GRID2: variants seen among roughly 807,000 people sequenced by gnomAD.
GRID2 encodes glutamate receptor ionotropic, delta-2.
In GRID2, 33 loss-of-function variants were observed where a neutral mutation model predicts 114.8. The ratio of observed to expected loss-of-function variants is 0.29; its 90% CI spans 0.22 to 0.38. The LOEUF (loss-of-function observed/expected upper bound fraction) is 0.38. GRID2 is among the 10% of genes least tolerant of loss of function. GRID2 has a pLI of 1.00. For synonymous variants in GRID2, 505 were observed against 449.9 expected, an observed-to-expected ratio of 1.12 and a Z score of -1.55; for missense variants, 1,184 against 1,257.7, an observed-to-expected ratio of 0.94 and a Z score of 0.89.
At chr4:92,949,307 G>C (rs538715958) in intron 2 of GRID2, among the ~76,000 whole-genome samples, 1 of 151,912 alleles carries the variant, frequency 6.6e-6, no homozygotes, top group Non-Finnish European at 1.5e-5. Flanking sequence ...AATAAAAATA[G>C]GGCATAGTCT....
Position 92,517,900 on chromosome 4 carries a change from AAAAC to A in GRID2, c.89-72215_89-72212del, listed in dbSNP as rs200012087. Among the ~76,000 whole-genome samples the A allele has an allele frequency of 5.0e-3, 761 of 151,940 alleles. 4 individuals are homozygous for A. The highest frequency in any genetic ancestry group is 0.015 in the African/African-American group (610 of 41,458). On this transcript the variant is annotated intron_variant, in intron 1 of 15. Transcript: ENST00000282020. ...GATGAACAATATTTTCAGATAGGCA[AAAAC>A]AAACAAACAAACAAAAAACCAAAAA...
intron 1 of GRID2, among the ~76,000 whole-genome samples, chr4:92,447,876 A>G (rs1216109358): frequency 6.6e-6 from 1 of 152,266 alleles, no homozygotes; most frequent in South Asian, 2.1e-4. Flanking sequence ...CCATCACCTT[A>G]TGGGTTAGAA....
chr4:93,252,460 T>C (rs566466818), intron 8 of GRID2, among the ~76,000 whole-genome samples: 1 of 152,002 alleles, frequency 6.6e-6, no homozygotes, highest in South Asian at 2.1e-4. Flanking sequence ...ATGCTGTTTT[T>C]ATTACTGTAG....
chr4:93,036,367 C>T (rs915919952), intron 2 of GRID2, among the ~76,000 whole-genome samples: 4 of 152,134 alleles, frequency 2.6e-5, no homozygotes, highest in Admixed American at 2.0e-4. Context: ...TCCTACTCCC[C>T]TGCCACCCAT....
In GRID2 at chr4:92,680,643, CGTT is replaced by C. The variant is rs200521369; in HGVS notation, c.244+90361_244+90363del. Among the ~76,000 whole-genome samples, 1,519 of 152,122 alleles carry C rather than the reference CGTT, an allele frequency of 1.0e-2. 26 individuals carry two copies. Among genetic ancestry groups the C allele is most frequent in the African/African-American group, 0.035 (1,434 of 41,520 alleles). Reference sequence around the variant, plus strand: ...TAAAGAATAATGAAAACAACAGATTCGTTGTTATTTTAGAACAATAATCACAGG... The same window carrying C: ...TAAAGAATAATGAAAACAACAGATTCGTTATTTTAGAACAATAATCACAGG... On this transcript the variant is annotated intron_variant, in intron 2 of 15. Coordinates refer to ENST00000282020, the MANE Select transcript of GRID2 (RefSeq NM_001510.4).
chr4:92,643,715 T>C (rs1308315601), intron 2 of GRID2, among the ~76,000 whole-genome samples: 1 of 151,744 alleles, frequency 6.6e-6, no homozygotes, highest in African/African-American at 2.4e-5. Flanking sequence ...TACCTTGGCT[T>C]CCCAAAGTGC....
intron 2 of GRID2, among the ~76,000 whole-genome samples, chr4:92,674,751 G>C (rs1259545467): frequency 6.6e-6 from 1 of 152,086 alleles, no homozygotes; most frequent in African/African-American, 2.4e-5. Flanking sequence ...TTGAACTCTT[G>C]ACCTCGTGAT....
intron 1 of GRID2, among the ~76,000 whole-genome samples, chr4:92,395,757 A>C: frequency 6.6e-6 from 1 of 151,766 alleles, no homozygotes; most frequent in East Asian, 1.9e-4. Context: ...TATTCTTTCC[A>C]TTCCTTGCAC....
At chr4:92,800,867 C>T in intron 2 of GRID2, among the ~76,000 whole-genome samples, 1 of 151,992 alleles carries the variant, frequency 6.6e-6, no homozygotes, top group East Asian at 1.9e-4. Context: ...TCTTAAAACA[C>T]AGAACAGTGA....
chr4:92,694,892 A>G (rs1160488554), intron 2 of GRID2, among the ~76,000 whole-genome samples: 3 of 152,176 alleles, frequency 2.0e-5, no homozygotes, highest in African/African-American at 7.2e-5. Flanking sequence ...TAATTTACCA[A>G]ATAATCAGAC....
intron 2 of GRID2, among the ~76,000 whole-genome samples, chr4:92,615,457 T>A (rs1729962657): frequency 1.3e-5 from 2 of 151,660 alleles, no homozygotes; most frequent in South Asian, 2.1e-4. Flanking sequence ...AATTCTTTTA[T>A]GGTTACCATT....
intron 13 of GRID2, among the ~76,000 whole-genome samples, chr4:93,608,296 C>CTTTTTTTTTTTTT (rs774334616): frequency 8.5e-6 from 1 of 117,016 alleles, no homozygotes; most frequent in Non-Finnish European, 1.7e-5. Context: ...ATTTTTTTTT[C>CTTTTTTTTTTTTT]TTTTTTTTTT....
At chr4:92,504,201 G>T (rs1723834442) in intron 1 of GRID2, among the ~76,000 whole-genome samples, 1 of 151,964 alleles carries the variant, frequency 6.6e-6, no homozygotes, top group Non-Finnish European at 1.5e-5. Flanking sequence ...AGGAGAAAAG[G>T]GTTTTCTTTG....
chr4:93,342,907 A>G (rs1181907657), intron 8 of GRID2, among the ~76,000 whole-genome samples: 1 of 152,192 alleles, frequency 6.6e-6, no homozygotes, highest in Non-Finnish European at 1.5e-5. Context: ...AAAGGGTATA[A>G]TGCTTTAGTG....
intron 1 of GRID2, among the ~76,000 whole-genome samples, chr4:92,581,248 A>G (rs914725193): frequency 6.6e-6 from 1 of 151,360 alleles, no homozygotes; most frequent in Non-Finnish European, 1.5e-5. Flanking sequence ...AAAAAATTGC[A>G]AAGTATTCCT....
chr4:93,344,904 T>A (rs1760053072), intron 8 of GRID2, among the ~76,000 whole-genome samples: 1 of 151,810 alleles, frequency 6.6e-6, no homozygotes, highest in Non-Finnish European at 1.5e-5. Context: ...CTTATTTCAC[T>A]TAGCAAAAGT....
At chr4:92,926,600 T>C (rs1019430799) in intron 2 of GRID2, among the ~76,000 whole-genome samples, 3 of 151,984 alleles carry the variant, frequency 2.0e-5, no homozygotes, top group Non-Finnish European at 4.4e-5. Context: ...AGTAAATAAA[T>C]GATTATTTAT....
At chr4:93,321,100 C>T (rs774430511) in intron 8 of GRID2, among the ~76,000 whole-genome samples, 4 of 151,940 alleles carry the variant, frequency 2.6e-5, no homozygotes, top group Non-Finnish European at 4.4e-5. Context: ...AAGGTAAACT[C>T]TCCTTGAAAA....
intron 8 of GRID2, among the ~76,000 whole-genome samples, chr4:93,267,141 G>A (rs1561064718): frequency 1.4e-5 from 2 of 143,246 alleles, no homozygotes. Context: ...GGTGGATAGT[G>A]TTCCATTGAA....
Sources: allele counts gnomAD v4.1 joint callset (sites outside exome capture counted in the v4.1 genomes callset), GRCh38; gene constraint gnomAD v4.1.1; transcripts MANE v1.5; gene names NCBI Gene and HGNC (gene_info 2026-07-23, HGNC 2026-07-21).